CDC5L: variants seen among roughly 807,000 people sequenced by gnomAD.
CDC5L encodes the protein cell division cycle 5-like protein.
A neutral mutation model predicts 104.1 loss-of-function variants in CDC5L; 18 were observed. The ratio of observed to expected loss-of-function variants is 0.17; its 90% CI spans 0.12 to 0.26. The LOEUF (loss-of-function observed/expected upper bound fraction) is 0.26, where lower values mean the gene tolerates loss of function less well. CDC5L is among the 10% of genes least tolerant of loss of function. CDC5L has a pLI of 1.00. For missense variants in CDC5L, 673 were observed against 956.9 expected (o/e 0.70, Z 3.91); for synonymous variants, 331 against 322.7 (o/e 1.03, Z -0.28).
chr6:44,416,043 C>T (rs192789091), intron 8 of CDC5L, among the ~76,000 whole-genome samples: 1 of 152,150 alleles, frequency 6.6e-6, no homozygotes, highest in Non-Finnish European at 1.5e-5. Context: ...GGCGGTACCT[C>T]TGGCTGCTGT....
Position 44,426,203 on chromosome 6 carries a change from G to A in CDC5L, c.1650+20G>A. ...TCAGAAGTAAGTGTTAGAATTTCTGGTTTAGGAAGTTTTAAGTTTCTTTTT... is the reference window on the plus strand; with the variant it reads ...TCAGAAGTAAGTGTTAGAATTTCTGATTTAGGAAGTTTTAAGTTTCTTTTT... On this transcript the variant is annotated intron_variant, in intron 12 of 15. Coordinates refer to ENST00000371477, the MANE Select transcript of CDC5L (RefSeq NM_001253.4). 1.3e-6 allele frequency: 2 copies of A among 1,539,892 alleles called. No homozygotes were observed. Among genetic ancestry groups the A allele is most frequent in the Non-Finnish European group, 1.8e-6 (2 of 1,122,328 alleles).
intron 6 of CDC5L, among the ~76,000 whole-genome samples, chr6:44,405,565 A>C (rs2153377070): frequency 6.6e-6 from 1 of 152,318 alleles, no homozygotes; most frequent in East Asian, 1.9e-4. Context: ...GAATTTTAAG[A>C]ATCATGAGAA....
chr6:44,422,449 A>C (rs1301567346), intron 9 of CDC5L, among the ~76,000 whole-genome samples, 198 bp from the exon 10 acceptor site: 1 of 152,244 alleles, frequency 6.6e-6, no homozygotes, highest in Non-Finnish European at 1.5e-5. Context: ...TAAGTCAGTA[A>C]AATAAAAATA....
At chr6:44,390,452 C>T (rs1202265371) in intron 2 of CDC5L, 81 bp downstream of exon 2, 1 of 873,712 alleles carries the variant, frequency 1.1e-6, no homozygotes. Context: ...TGAACCTTAT[C>T]AAAGAAAGCA....
chr6:44,437,346 G>A (rs1033799316), intron 14 of CDC5L, among the ~76,000 whole-genome samples: 5 of 152,150 alleles, frequency 3.3e-5, no homozygotes, highest in African/African-American at 9.7e-5. Flanking sequence ...ACCCTCCTTT[G>A]TGTTTTAATA....
chr6:44,419,413 C>G (rs1202107037), intron 8 of CDC5L, 36 bp from the exon 9 acceptor site: 1 of 1,609,548 alleles, frequency 6.2e-7, no homozygotes, highest in Admixed American at 1.7e-5. Flanking sequence ...TCTGTCTAAA[C>G]TTTTAAACTT....
intron 13 of CDC5L, among the ~76,000 whole-genome samples, chr6:44,429,507 G>A (rs770302376): frequency 6.6e-6 from 1 of 152,128 alleles, no homozygotes; most frequent in Non-Finnish European, 1.5e-5. Context: ...AAACATGGAT[G>A]CTTGATTTTT....
chr6:44,406,826 T>C (rs1049608901), intron 7 of CDC5L, among the ~76,000 whole-genome samples: 2 of 152,074 alleles, frequency 1.3e-5, no homozygotes, highest in African/African-American at 2.4e-5. Context: ...GGCAGGAGAA[T>C]CACTGGAACC....
At chr6:44,435,367 C>T (rs549710140) in intron 14 of CDC5L, among the ~76,000 whole-genome samples, 5 of 151,828 alleles carry the variant, frequency 3.3e-5, no homozygotes, top group Admixed American at 3.3e-4. Flanking sequence ...AAGCTTTTCT[C>T]AGGTGTCAAA....
chr6:44,407,617 C>T (rs1791433626), intron 7 of CDC5L, among the ~76,000 whole-genome samples: 1 of 152,202 alleles, frequency 6.6e-6, no homozygotes, highest in Non-Finnish European at 1.5e-5. Flanking sequence ...TAGGCATGAG[C>T]CACCGTGCCC....
chr6:44,424,979 T>C (rs1373510298), intron 11 of CDC5L, among the ~76,000 whole-genome samples: 1 of 152,158 alleles, frequency 6.6e-6, no homozygotes, highest in African/African-American at 2.4e-5. Flanking sequence ...CTCGAGAGGC[T>C]GAGGTGGGAG....
At chr6:44,430,536 T>A (rs1200643996) in intron 14 of CDC5L, among the ~76,000 whole-genome samples, 1 of 150,722 alleles carries the variant, frequency 6.6e-6, no homozygotes, top group Admixed American at 6.6e-5. Flanking sequence ...CAATGGCATG[T>A]AAATTGTGGT....
In CDC5L at chr6:44,424,558, C is replaced by T. The variant is rs773017414; in HGVS notation, c.1544C>T (p.Ala515Val). 2.5e-6 allele frequency: 4 copies of T among 1,613,886 alleles called. No individual in the cohort carries two copies. The highest frequency in any genetic ancestry group is 1.7e-5 in the Admixed American group (1 of 59,982). Reference protein sequence around the residue: ...REIDDTYIEDAADVDARKQAI... With the variant: ...REIDDTYIEDVADVDARKQAI... ...ATAGATGATACTTACATTGAAGATGCTGCTGATGTGGATGCTCGAAAGCAG... is the reference window on the plus strand; with the variant it reads ...ATAGATGATACTTACATTGAAGATGTTGCTGATGTGGATGCTCGAAAGCAG... The change falls in exon 11 of 16, where the codon GCT (alanine) becomes GTT (valine). Residue 515 changes from alanine (A) to valine (V), a missense_variant. By Grantham distance (64) the Ala-to-Val change is moderately conservative (BLOSUM62 0). Coordinates refer to ENST00000371477, the MANE Select transcript of CDC5L (RefSeq NM_001253.4).
chr6:44,435,278 G>A (rs1474255936), intron 14 of CDC5L, among the ~76,000 whole-genome samples: 1 of 151,606 alleles, frequency 6.6e-6, no homozygotes, highest in East Asian at 1.9e-4. Flanking sequence ...ATTTTTTTGA[G>A]AGATATTTGT....
intron 9 of CDC5L, among the ~76,000 whole-genome samples, chr6:44,420,498 A>T (rs999786484): frequency 6.6e-6 from 1 of 151,720 alleles, no homozygotes; most frequent in Non-Finnish European, 1.5e-5. Flanking sequence ...AGCTGGGATT[A>T]CAGGCATGCG....
chr6:44,444,951 T>G (rs1398878182), intron 14 of CDC5L, among the ~76,000 whole-genome samples: 1 of 151,964 alleles, frequency 6.6e-6, no homozygotes, highest in Non-Finnish European at 1.5e-5. Context: ...GAAGGCTACT[T>G]TTGCACTGTC....
rs747924598 is a variant in CDC5L at position 44,422,682 on chromosome 6, G to T, written c.1277G>T (p.Arg426Leu). 6.2e-7 allele frequency: 1 copy of T among 1,612,028 alleles called. No individual in the cohort carries two copies. Among genetic ancestry groups the T allele is most frequent in the Admixed American group, 1.7e-5 (1 of 59,744 alleles). ...AATGGAGCTGAAGGGCTGACTCCCC[G>T]GAGTGGAACAACTCCCAAACCAGTT... ...PSNGAEGLTP[R>L]SGTTPKPVIN... is the part of the protein sequence containing the mutation. Residue 426 changes from arginine (R) to leucine (L), a missense_variant, in exon 10 of 16, where the codon CGG becomes CTG. Coordinates refer to ENST00000371477, the MANE Select transcript of CDC5L (RefSeq NM_001253.4).
At position 44,446,661 on chromosome 6, in the gene CDC5L, A is replaced by G. The variant is rs757677289; in HGVS notation, c.2359A>G (p.Arg787Gly). ...AGAAAGAGAAAAGGAACTTCAACAT[A>G]GATATGCTGATTTGCTGCTGGAGAA... ...QQEREKELQHRYADLLLEKET... is the reference protein window; with the variant it reads ...QQEREKELQHGYADLLLEKET... Residue 787 changes from arginine to glycine, a missense_variant, in exon 16 of 16, where the codon AGA becomes GGA. By Grantham distance (125) the Arg-to-Gly change is moderately radical. Coordinates refer to ENST00000371477, the MANE Select transcript of CDC5L (RefSeq NM_001253.4). 10 of 1,597,926 alleles carry G rather than the reference A, an allele frequency of 6.3e-6. No individual in the cohort carries two copies. The highest frequency in any genetic ancestry group is 5.2e-5 in the Admixed American group (3 of 57,568).
intron 14 of CDC5L, among the ~76,000 whole-genome samples, chr6:44,430,642 G>C (rs1792640137): frequency 6.8e-6 from 1 of 147,618 alleles, no homozygotes. Flanking sequence ...GTGCAATCTT[G>C]GCTCACTCCA....
Sources: allele counts gnomAD v4.1 joint callset (sites outside exome capture counted in the v4.1 genomes callset), GRCh38; gene constraint gnomAD v4.1.1; transcripts MANE v1.5; gene names NCBI Gene and HGNC (gene_info 2026-07-23, HGNC 2026-07-21).